Variants in NLGN1 observed in about 807,000 individuals in gnomAD.
NLGN1 encodes the protein neuroligin 1, also known as neuroligin-1.
Under a neutral mutation model 65.5 loss-of-function variants are expected in NLGN1, and 12 were observed. The ratio of observed to expected loss-of-function variants is 0.18; its 90% confidence interval spans 0.12 to 0.30. NLGN1 has a LOEUF of 0.30. Among genes scored for constraint, NLGN1 ranks in the 10% least tolerant of loss-of-function variants. NLGN1 has a pLI of 1.00. For missense variants in NLGN1, 750 were observed against 1,007.1 expected, an observed-to-expected ratio of 0.74 and a Z score of 3.46; for synonymous variants, 350 against 359.5, an observed-to-expected ratio of 0.97 and a Z score of 0.30.
chr3:173,817,439 A>G (rs1578592531), intron 4 of NLGN1, among the ~76,000 whole-genome samples: 2 of 152,212 alleles, frequency 1.3e-5, no homozygotes, highest in South Asian at 2.1e-4. Context: ...TTAAAGTGAG[A>G]CGGTTGGTAG....
intron 4 of NLGN1, among the ~76,000 whole-genome samples, chr3:174,042,102 A>G (rs1171831277): frequency 2.6e-5 from 4 of 152,080 alleles, no homozygotes; most frequent in African/African-American, 9.7e-5. Flanking sequence ...TAAAGTTTAA[A>G]ATTACTCATA....
At chr3:174,152,485 A>G (rs6445143) in intron 4 of NLGN1, among the ~76,000 whole-genome samples, 55,674 of 151,704 alleles carry the variant, frequency 0.37, 11,947 homozygotes, top group African/African-American at 0.59. Context: ...ATCACACACC[A>G]GGGCGTGTTG....
chr3:173,441,508 T>C (rs1454226508), intron 2 of NLGN1, among the ~76,000 whole-genome samples: 9 of 152,110 alleles, frequency 5.9e-5, no homozygotes, highest in Non-Finnish European at 1.2e-4. Context: ...TTGGCCTAGT[T>C]TCAGTATTGT....
intron 3 of NLGN1, chr3:173,685,529 C>T (rs1764557057): frequency 2.5e-6 from 1 of 398,726 alleles, no homozygotes; most frequent in Non-Finnish European, 3.4e-6. Flanking sequence ...TGTTGTACCT[C>T]AGCCCCTGCA....
intron 3 of NLGN1, among the ~76,000 whole-genome samples, chr3:173,623,173 A>G (rs191686513): frequency 6.6e-6 from 1 of 152,056 alleles, no homozygotes; most frequent in Non-Finnish European, 1.5e-5. Flanking sequence ...ACCTCGGTGA[A>G]GGTTAAGTCA....
chr3:173,779,340 A>G (rs1414331852), intron 3 of NLGN1, among the ~76,000 whole-genome samples: 1 of 151,936 alleles, frequency 6.6e-6, no homozygotes. Context: ...CAGGACCAAC[A>G]TTTTGAATAT....
chr3:174,076,212 T>G (rs2152541214), intron 4 of NLGN1, among the ~76,000 whole-genome samples: 1 of 152,284 alleles, frequency 6.6e-6, no homozygotes, highest in East Asian at 1.9e-4. Flanking sequence ...AATAACATAA[T>G]TCTAAGTTTT....
At chr3:173,893,606 A>T (rs1219342841) in intron 4 of NLGN1, among the ~76,000 whole-genome samples, 1 of 152,158 alleles carries the variant, frequency 6.6e-6, no homozygotes, top group Admixed American at 6.5e-5. Flanking sequence ...AATCCTGTAC[A>T]TTCTAACTAA....
chr3:174,209,158 A>G (rs1338546975), intron 4 of NLGN1, among the ~76,000 whole-genome samples: 10 of 152,204 alleles, frequency 6.6e-5, no homozygotes, highest in African/African-American at 2.4e-4. Context: ...TGCTGAGCTC[A>G]AACAATTCAC....
At chr3:174,035,809 T>A (rs1474017255) in intron 4 of NLGN1, among the ~76,000 whole-genome samples, 1 of 152,144 alleles carries the variant, frequency 6.6e-6, no homozygotes, top group Non-Finnish European at 1.5e-5. Context: ...CTGGTGAAAC[T>A]GCCTGAAGAA....
chr3:174,257,990 A>G (rs992756181), intron 4 of NLGN1, among the ~76,000 whole-genome samples: 2 of 151,450 alleles, frequency 1.3e-5, no homozygotes, highest in African/African-American at 2.4e-5. Flanking sequence ...AATTTTTTGT[A>G]AATTTAATTA....
At chr3:173,460,871 G>C (rs1723259342) in intron 2 of NLGN1, among the ~76,000 whole-genome samples, 1 of 152,132 alleles carries the variant, frequency 6.6e-6, no homozygotes, top group South Asian at 2.1e-4. Flanking sequence ...TGTCCTCACA[G>C]TGTGAAGAGC....
chr3:174,066,554 C>CTGTGTGTGTG (rs1330249971), intron 4 of NLGN1, among the ~76,000 whole-genome samples: 6 of 132,996 alleles, frequency 4.5e-5, no homozygotes, highest in African/African-American at 1.8e-4. Context: ...CTCTCTCTCT[C>CTGTGTGTGTG]TCTCTCTCTC....
At chr3:173,568,291 T>A (rs570549184) in intron 2 of NLGN1, among the ~76,000 whole-genome samples, 47 of 152,124 alleles carry the variant, frequency 3.1e-4, no homozygotes, top group African/African-American at 1.1e-3. Context: ...TTGCCCAGGC[T>A]GGCAATTTCT....
chr3:173,826,626 T>C (rs991768519), intron 4 of NLGN1, among the ~76,000 whole-genome samples: 1 of 152,188 alleles, frequency 6.6e-6, no homozygotes, highest in African/African-American at 2.4e-5. Context: ...CTGCCGAGGG[T>C]GTTAATGATG....
chr3:173,596,326 C>T (rs561686735), intron 2 of NLGN1, among the ~76,000 whole-genome samples: 2 of 152,244 alleles, frequency 1.3e-5, no homozygotes, highest in South Asian at 2.1e-4. Flanking sequence ...GGGCTGCCCA[C>T]GATTTCTCCC....
chr3:173,730,409 A>G (rs1772619206), intron 3 of NLGN1, among the ~76,000 whole-genome samples: 1 of 151,726 alleles, frequency 6.6e-6, no homozygotes, highest in Non-Finnish European at 1.5e-5. Context: ...CACTAAAAGA[A>G]AAGAAATAGG....
intron 4 of NLGN1, among the ~76,000 whole-genome samples, chr3:174,265,861 G>A (rs1347547355): frequency 2.1e-5 from 3 of 145,456 alleles, no homozygotes; most frequent in Non-Finnish European, 4.5e-5. Flanking sequence ...TTTAGGTAAA[G>A]AGTATTTTGT....
intron 4 of NLGN1, among the ~76,000 whole-genome samples, chr3:174,026,481 T>A (rs1047805257): frequency 6.6e-6 from 1 of 152,134 alleles, no homozygotes; most frequent in Admixed American, 6.6e-5. Flanking sequence ...ATATGGATCA[T>A]CTTAAAAATG....
Sources: gnomAD v4.1 joint callset for allele counts (sites outside exome capture counted in the v4.1 genomes callset) on GRCh38, gnomAD v4.1.1 for gene constraint, MANE v1.5 for transcripts, NCBI Gene and HGNC (gene_info 2026-07-23, HGNC 2026-07-21) for gene names.